ROBO2: variants seen among roughly 807,000 people sequenced by gnomAD.
ROBO2 encodes roundabout homolog 2.
In ROBO2, 53 loss-of-function variants were observed where a neutral mutation model predicts 160.8. The ratio of observed to expected loss-of-function variants is 0.33; its 90% confidence interval spans 0.26 to 0.41. ROBO2 has a LOEUF of 0.41. ROBO2 is among the 10% of genes least tolerant of loss of function. ROBO2 has a pLI of 1.00. For synonymous variants in ROBO2, 664 were observed against 611.7 expected, an observed-to-expected ratio of 1.09 and a Z score of -1.26; for missense variants, 1,577 against 1,722.4, an observed-to-expected ratio of 0.92 and a Z score of 1.49.
intron 2 of ROBO2, among the ~76,000 whole-genome samples, chr3:76,565,800 A>G (rs565063985): frequency 6.6e-6 from 1 of 152,308 alleles, no homozygotes; most frequent in Admixed American, 6.5e-5. Context: ...GTTCCATGGA[A>G]TGGATGCCTA....
At chr3:77,126,004 G>A (rs1167700269) in intron 2 of ROBO2, among the ~76,000 whole-genome samples, 1 of 152,114 alleles carries the variant, frequency 6.6e-6, no homozygotes, top group East Asian at 1.9e-4. Context: ...AGCTCCCAGC[G>A]ATTGCACACA....
chr3:76,387,841 T>C (rs1413431401), intron 2 of ROBO2, among the ~76,000 whole-genome samples: 1 of 152,164 alleles, frequency 6.6e-6, no homozygotes, highest in Non-Finnish European at 1.5e-5. Context: ...GGCTTAAAAA[T>C]ATAGCCAAAT....
intron 2 of ROBO2, among the ~76,000 whole-genome samples, chr3:77,295,296 T>A (rs1170975979): frequency 1.2e-4 from 15 of 121,314 alleles, no homozygotes; most frequent in Middle Eastern, 7.8e-3. Flanking sequence ...CCAAAGACAT[T>A]AAGTAAAATT....
intron 2 of ROBO2, among the ~76,000 whole-genome samples, chr3:75,980,707 T>A (rs928549469): frequency 1.3e-5 from 2 of 151,526 alleles, no homozygotes; most frequent in Non-Finnish European, 1.5e-5. Flanking sequence ...CTGAAGAGGA[T>A]CTGACTGGAC....
intron 2 of ROBO2, among the ~76,000 whole-genome samples, chr3:76,470,206 A>T (rs1478617735): frequency 1.3e-5 from 2 of 152,110 alleles, no homozygotes; most frequent in Admixed American, 1.3e-4. Flanking sequence ...TCACAGCTGG[A>T]GTGATTTTCC....
intron 2 of ROBO2, among the ~76,000 whole-genome samples, chr3:76,071,670 A>C (rs1352442071): frequency 6.6e-6 from 1 of 152,150 alleles, no homozygotes; most frequent in Non-Finnish European, 1.5e-5. Flanking sequence ...TTTTCAGGTC[A>C]TAGAAAAATT....
chr3:76,002,519 C>G (rs148152078), intron 2 of ROBO2, among the ~76,000 whole-genome samples: 4 of 152,220 alleles, frequency 2.6e-5, no homozygotes, highest in African/African-American at 9.6e-5. Flanking sequence ...ATGAGTCTCA[C>G]AAGATCTGTT....
chr3:75,913,361 C>G (rs1396406280), intron 1 of ROBO2, among the ~76,000 whole-genome samples: 2 of 152,142 alleles, frequency 1.3e-5, no homozygotes, highest in Non-Finnish European at 2.9e-5. Context: ...TTCCCAGGGC[C>G]TGGAGATTAG....
chr3:76,340,508 C>A (rs1423080674), intron 2 of ROBO2, among the ~76,000 whole-genome samples: 1 of 152,104 alleles, frequency 6.6e-6, no homozygotes, highest in Non-Finnish European at 1.5e-5. Flanking sequence ...AGTACTGAAG[C>A]CCTGAATGGA....
intron 2 of ROBO2, among the ~76,000 whole-genome samples, chr3:76,173,740 C>T (rs139928627): frequency 0.011 from 1,699 of 152,214 alleles, 17 homozygotes; most frequent in Non-Finnish European, 0.016. Flanking sequence ...ATATGTACCA[C>T]ATTTTCTTTA....
chr3:76,721,465 G>A (rs1365638953), intron 2 of ROBO2, among the ~76,000 whole-genome samples: 1 of 152,128 alleles, frequency 6.6e-6, no homozygotes, highest in Non-Finnish European at 1.5e-5. Flanking sequence ...ATAGTTTTCA[G>A]TTTATTAAGT....
chr3:76,660,405 T>C (rs528596470), intron 2 of ROBO2, among the ~76,000 whole-genome samples: 1 of 152,274 alleles, frequency 6.6e-6, no homozygotes, highest in Admixed American at 6.5e-5. Flanking sequence ...AAGTGAACAC[T>C]TGGATTTCTC....
At chr3:77,520,261 G>T (rs1369840772) in intron 5 of ROBO2, among the ~76,000 whole-genome samples, 1 of 151,296 alleles carries the variant, frequency 6.6e-6, no homozygotes, top group Non-Finnish European at 1.5e-5. Flanking sequence ...TTGCAGAGAA[G>T]AAGTACACAT....
intron 2 of ROBO2, among the ~76,000 whole-genome samples, chr3:77,237,032 C>A (rs1182844277): frequency 6.6e-6 from 1 of 152,084 alleles, no homozygotes; most frequent in Non-Finnish European, 1.5e-5. Flanking sequence ...TGCCACCATG[C>A]CCAGTGCTTT....
Position 77,608,695 on chromosome 3 carries a change from C to T in ROBO2, c.3293+741C>T, listed in dbSNP as rs369246229. ...TCAAAAAATCATACTGTTTCCTTTT[C>T]TAGTTTAATAATTCTGAATGCTTTG... is the stretch of plus-strand genomic sequence containing the variant. On this transcript the variant is annotated intron_variant, in intron 21 of 25. Transcript: ENST00000461745. Among the ~76,000 whole-genome samples the T allele has an allele frequency of 2.0e-5, 3 of 152,232 alleles. No individual in the cohort carries two copies. In the East Asian group the frequency reaches 5.8e-4, roughly 29 times the overall value.
At chr3:76,697,453 G>A (rs1040486838) in intron 2 of ROBO2, among the ~76,000 whole-genome samples, 9 of 152,168 alleles carry the variant, frequency 5.9e-5, no homozygotes, top group Non-Finnish European at 1.3e-4. Flanking sequence ...AGACCAGCAT[G>A]GGAAACATGG....
chr3:76,445,086 A>G (rs998383558), intron 2 of ROBO2, among the ~76,000 whole-genome samples: 2 of 152,164 alleles, frequency 1.3e-5, no homozygotes, highest in African/African-American at 2.4e-5. Context: ...ATTCCATGTT[A>G]CTATCACCGA....
At chr3:76,918,226 G>A (rs2148973325) in intron 2 of ROBO2, among the ~76,000 whole-genome samples, 1 of 152,328 alleles carries the variant, frequency 6.6e-6, no homozygotes, top group African/African-American at 2.4e-5. Flanking sequence ...GGATCACGGA[G>A]GTGGTTTCCC....
At chr3:77,577,056 T>A (rs1342006290) in intron 14 of ROBO2, among the ~76,000 whole-genome samples, 2 of 151,976 alleles carry the variant, frequency 1.3e-5, no homozygotes, top group Non-Finnish European at 2.9e-5. Context: ...TCTATTAGAG[T>A]AGAGTTCTAA....
Sources: allele counts gnomAD v4.1 joint callset (sites outside exome capture counted in the v4.1 genomes callset), GRCh38; gene constraint gnomAD v4.1.1; transcripts MANE v1.5; gene names NCBI Gene and HGNC (gene_info 2026-07-23, HGNC 2026-07-21).